The following NNMT variants were observed in gnomAD, a reference collection of about 807,000 sequenced individuals.
NNMT encodes the protein nicotinamide N-methyltransferase.
Under a neutral mutation model 11.7 loss-of-function variants are expected in NNMT, and 10 were observed. The observed-to-expected ratio is 0.85, with a 90% confidence interval of 0.53 to 1.45. The LOEUF (loss-of-function observed/expected upper bound fraction) is 1.45. Ranked by LOEUF, NNMT falls within the 40% of genes most tolerant of loss-of-function variation. The probability of loss-of-function intolerance (pLI) is 0.00; values close to 1 mark genes in which losing one functional copy is unlikely to be tolerated. For synonymous variants in NNMT, 143 were observed against 133.8 expected (o/e 1.07, Z -0.48); for missense variants, 381 against 319.4 (o/e 1.19, Z -1.47).
At chr11:114,277,244 A>G (rs971840569) in intron 2 of NNMT, among the ~76,000 whole-genome samples, 13 of 152,130 alleles carry the variant, frequency 8.5e-5, no homozygotes, top group Admixed American at 2.6e-4. Context: ...AAATAAATAA[A>G]AGAAAAAGAA....
intron 2 of NNMT, among the ~76,000 whole-genome samples, chr11:114,276,184 G>A (rs1945212348): frequency 7.1e-6 from 1 of 140,900 alleles, no homozygotes; most frequent in South Asian, 2.2e-4. Flanking sequence ...GGGACCGTAT[G>A]CTGCAAGCAG....
chr11:114,309,176 C>T (rs1001891735), intron 2 of NNMT, among the ~76,000 whole-genome samples: 1 of 152,144 alleles, frequency 6.6e-6, no homozygotes, highest in Non-Finnish European at 1.5e-5. Context: ...TTCCTATGTG[C>T]AGATAGGTTA....
At chr11:114,276,855 G>A (rs1165651505) in intron 2 of NNMT, among the ~76,000 whole-genome samples, 1 of 152,144 alleles carries the variant, frequency 6.6e-6, no homozygotes, top group Non-Finnish European at 1.5e-5. Context: ...TTTCCTCTTT[G>A]GCTCTCTGAC....
chr11:114,276,273 C>T (rs1341068458), intron 2 of NNMT, among the ~76,000 whole-genome samples: 2 of 152,066 alleles, frequency 1.3e-5, no homozygotes, highest in Non-Finnish European at 2.9e-5. Flanking sequence ...TCTGCAGGAG[C>T]CCCTGCAGGA....
intron 2 of NNMT, among the ~76,000 whole-genome samples, chr11:114,286,845 G>T (rs186237105): frequency 2.8e-4 from 43 of 152,320 alleles, no homozygotes; most frequent in Admixed American, 8.5e-4. Context: ...GTCAATGCCA[G>T]ACTGTTTTCC....
At chr11:114,278,349 G>A (rs142125648) in intron 2 of NNMT, among the ~76,000 whole-genome samples, 14 of 152,252 alleles carry the variant, frequency 9.2e-5, no homozygotes, top group Middle Eastern at 3.4e-3. Context: ...TTGCTCCCAC[G>A]ACTCAAACAC....
chr11:114,289,292 A>G (rs1299686295), intron 2 of NNMT, among the ~76,000 whole-genome samples: 3 of 152,112 alleles, frequency 2.0e-5, no homozygotes, highest in Non-Finnish European at 4.4e-5. Context: ...TGCCTTGATC[A>G]TTCTAGCTAG....
intron 2 of NNMT, among the ~76,000 whole-genome samples, chr11:114,268,581 T>C (rs940644543): frequency 1.3e-5 from 2 of 151,982 alleles, no homozygotes; most frequent in African/African-American, 2.4e-5. Context: ...CCATCCTGGC[T>C]AACAAGGTGA....
intron 2 of NNMT, among the ~76,000 whole-genome samples, chr11:114,264,663 A>G (rs1016840820): frequency 6.6e-6 from 1 of 152,166 alleles, no homozygotes; most frequent in East Asian, 1.9e-4. Context: ...CCCACTTCCA[A>G]TGCCAATCAC....
upstream of NNMT, chr11:114,295,977 C>A (rs1458413806): frequency 6.6e-6 from 1 of 152,338 alleles, no homozygotes; most frequent in African/African-American, 2.4e-5. Flanking sequence ...ATTACTCTTT[C>A]CAGACTTCAT....
intron 1 of NNMT, among the ~76,000 whole-genome samples, chr11:114,262,499 C>G (rs1945091212): frequency 6.6e-6 from 1 of 152,156 alleles, no homozygotes; most frequent in Non-Finnish European, 1.5e-5. Flanking sequence ...GTGAGTGAGA[C>G]TGGTGCCTGT....
intron 2 of NNMT, among the ~76,000 whole-genome samples, chr11:114,283,481 G>A (rs1027456327): frequency 7.2e-5 from 11 of 152,210 alleles, no homozygotes; most frequent in Admixed American, 7.2e-4. Flanking sequence ...TGGGATGGTT[G>A]TCTATGAAAG....
chr11:114,298,396 A>C, intron 2 of NNMT: 1 of 502,280 alleles, frequency 2.0e-6, no homozygotes, highest in Admixed American at 3.3e-5. Context: ...GAAGAAATGG[A>C]TACTGAGCAA....
chr11:114,292,574 A>C (rs1050740118), upstream of NNMT, among the ~76,000 whole-genome samples: 1 of 152,216 alleles, frequency 6.6e-6, no homozygotes, highest in South Asian at 2.1e-4. Context: ...GCCACCAGTG[A>C]ACCAAATACC....
At chr11:114,282,464 T>C (rs1398850412) in intron 2 of NNMT, among the ~76,000 whole-genome samples, 2 of 151,762 alleles carry the variant, frequency 1.3e-5, no homozygotes, top group African/African-American at 4.9e-5. Context: ...GACCAGGAAA[T>C]GTATAGAAGA....
upstream of NNMT, among the ~76,000 whole-genome samples, chr11:114,295,381 G>A (rs1264085389): frequency 1.4e-5 from 2 of 147,642 alleles, no homozygotes; most frequent in African/African-American, 5.0e-5. Context: ...TCCCTACTCT[G>A]TCTCAAAGTG....
At chr11:114,275,787 C>T (rs1945209120) in intron 2 of NNMT, among the ~76,000 whole-genome samples, 1 of 152,030 alleles carries the variant, frequency 6.6e-6, no homozygotes, top group Admixed American at 6.6e-5. Flanking sequence ...TTTGAATATT[C>T]TGATATCCTG....
chr11:114,304,707 T>C (rs1254067463), intron 2 of NNMT, among the ~76,000 whole-genome samples: 2 of 152,182 alleles, frequency 1.3e-5, no homozygotes, highest in African/African-American at 4.8e-5. Context: ...CTGGCCATAG[T>C]GGTGCACACC....
At chr11:114,293,593 A>G (rs1217231790), upstream of NNMT, among the ~76,000 whole-genome samples, 3 of 146,888 alleles carry the variant, frequency 2.0e-5, no homozygotes, top group African/African-American at 7.5e-5. Context: ...ACGAGATATG[A>G]TCTCACCTCA....
Sources: allele counts gnomAD v4.1 joint callset (sites outside exome capture counted in the v4.1 genomes callset), GRCh38; gene constraint gnomAD v4.1.1; transcripts MANE v1.5; gene names NCBI Gene and HGNC (gene_info 2026-07-23, HGNC 2026-07-21).